Variants in SETDB2 observed in about 807,000 individuals in gnomAD.
SETDB2 encodes histone-lysine N-methyltransferase SETDB2.
SETDB2 carries 56 observed loss-of-function variants against 82.5 expected under a neutral mutation model. The observed-to-expected ratio is 0.68, with a 90% CI of 0.55 to 0.85. SETDB2 has a LOEUF of 0.85. SETDB2 is among the 40% of genes least tolerant of loss of function. The pLI, the probability that SETDB2 is intolerant of heterozygous loss-of-function variation, is 0.00. For missense variants in SETDB2, 677 were observed against 816.4 expected, an observed-to-expected ratio of 0.83 and a Z score of 2.08; for synonymous variants, 272 against 284.9, an observed-to-expected ratio of 0.95 and a Z score of 0.46.
At chr13:49,484,827 T>C (rs1267273248) in intron 10 of SETDB2, among the ~76,000 whole-genome samples, 1 of 152,194 alleles carries the variant, frequency 6.6e-6, no homozygotes, top group Non-Finnish European at 1.5e-5. Flanking sequence ...TGCCTGGTAA[T>C]GGTACAGTAG....
At chr13:49,468,778 C>T (rs1175191687) in intron 5 of SETDB2, among the ~76,000 whole-genome samples, 1 of 151,804 alleles carries the variant, frequency 6.6e-6, no homozygotes, top group Non-Finnish European at 1.5e-5. Flanking sequence ...TTGAGTGGGT[C>T]TCAAAAGGCC....
At chr13:49,455,984 A>G (rs984868398) in intron 2 of SETDB2, among the ~76,000 whole-genome samples, 5 of 152,128 alleles carry the variant, frequency 3.3e-5, no homozygotes, top group Non-Finnish European at 5.9e-5. Context: ...TGATGCCACT[A>G]ACTTGATTCA....
rs921614232 is a variant in SETDB2, at chr13:49,450,279, T to C, written c.-341-1274T>C. 2.0e-5 allele frequency among the ~76,000 whole-genome samples: 3 copies of C among 152,208 alleles called. No homozygotes were observed. The South Asian group carries it at 6.2e-4, about 32-fold the overall frequency. Reference sequence around the variant, plus strand: ...CTCTCCATTTTCTCAATTTTTTGCCTCCTCTTGTTTCCTTGCTCTGTGTTC... The same window carrying C: ...CTCTCCATTTTCTCAATTTTTTGCCCCCTCTTGTTTCCTTGCTCTGTGTTC... On this transcript the variant is annotated intron_variant, in intron 1 of 13. Coordinates refer to ENST00000611815, the MANE Select transcript of SETDB2 (RefSeq NM_001160308.3).
At chr13:49,479,870 T>G (rs1397073386) in intron 6 of SETDB2, among the ~76,000 whole-genome samples, 1 of 152,218 alleles carries the variant, frequency 6.6e-6, no homozygotes, top group African/African-American at 2.4e-5. Context: ...AAATTTGACA[T>G]ATTTAAGTTT....
At chr13:49,465,737 A>G (rs775329003) in intron 4 of SETDB2, among the ~76,000 whole-genome samples, 4 of 152,120 alleles carry the variant, frequency 2.6e-5, no homozygotes, top group East Asian at 1.9e-4. Flanking sequence ...GGGTTTCACT[A>G]TGTTGGCCAG....
At chr13:49,488,706 A>G in intron 12 of SETDB2, 76 bp downstream of exon 12, 1 of 1,198,184 alleles carries the variant, frequency 8.3e-7, no homozygotes, top group Non-Finnish European at 1.2e-6. Flanking sequence ...TATGAGGAAA[A>G]TAAACAGACT....
chr13:49,458,976 C>T (rs1957943367), intron 2 of SETDB2, among the ~76,000 whole-genome samples: 1 of 152,236 alleles, frequency 6.6e-6, no homozygotes, highest in Non-Finnish European at 1.5e-5. Context: ...CCCTACCTGC[C>T]TTTTAAGCAC....
Position 49,461,119 on chromosome 13 carries a change from A to T in SETDB2, c.165A>T (p.Leu55=). The T allele has an allele frequency of 6.2e-7, 1 of 1,611,740 alleles. No homozygotes were observed. Among genetic ancestry groups the T allele is most frequent in the African/African-American group, 1.3e-5 (1 of 75,020 alleles). ...TNKEYIQAMI[L]VNEATIINSS... is the part of the protein sequence containing the mutation. ...CAGAATACATCCAAGCAATGATTCT[A>T]GTGAATGAAGCAACTATAATTAACA... Residue 55 remains leucine (L), a synonymous_variant, in exon 4 of 14, where the codon CTA becomes CTT. Coordinates refer to ENST00000611815, the MANE Select transcript of SETDB2 (RefSeq NM_001160308.3).
At chr13:49,445,692 G>A (rs569879958) in intron 1 of SETDB2, 1 of 151,946 alleles carries the variant, frequency 6.6e-6, no homozygotes, top group South Asian at 2.1e-4. Context: ...ACTTTGGGAG[G>A]CTGAGGCGGG....
Position 49,485,676 on chromosome 13 carries a change from T to A in SETDB2, c.1529T>A (p.Phe510Tyr). Residue 510 changes from phenylalanine (F) to tyrosine (Y), a missense_variant, in exon 11 of 14, where the codon TTT becomes TAT. Coordinates refer to ENST00000611815, the MANE Select transcript of SETDB2 (RefSeq NM_001160308.3). Reference protein sequence around the residue: ...ESVTPEDNDGFKPPREHLNSK... With the variant: ...ESVTPEDNDGYKPPREHLNSK... ...GTCACTCCAGAAGATAATGATGGAT[T>A]TAAACCACCCCGAGAGCATCTGAAC... 1 of 1,614,124 alleles carries A rather than the reference T, an allele frequency of 6.2e-7. No individual in the cohort carries two copies. The highest frequency in any genetic ancestry group is 1.7e-5 in the Admixed American group (1 of 60,016).
intron 4 of SETDB2, among the ~76,000 whole-genome samples, chr13:49,463,776 A>C (rs1958046080): frequency 6.6e-6 from 1 of 152,226 alleles, no homozygotes; most frequent in Non-Finnish European, 1.5e-5. Flanking sequence ...TACAGAGAAC[A>C]GGAATCTATA....
chr13:49,486,310 A>AAT (rs202008542), intron 11 of SETDB2, among the ~76,000 whole-genome samples: 6,837 of 151,984 alleles, frequency 0.045, 275 homozygotes, highest in East Asian at 0.2. Context: ...TCTCAAAAAA[A>AAT]AAAATAAAAT....
At chr13:49,488,252 GTA>G in intron 11 of SETDB2, 36 bp from the exon 12 acceptor site, 1 of 1,533,860 alleles carries the variant, frequency 6.5e-7, no homozygotes, top group Non-Finnish European at 8.7e-7. Flanking sequence ...TGCTCAGCAA[GTA>G]TATTTCCTGA....
chr13:49,447,119 G>C (rs1375987188), intron 1 of SETDB2, among the ~76,000 whole-genome samples: 1 of 152,042 alleles, frequency 6.6e-6, no homozygotes, highest in Non-Finnish European at 1.5e-5. Flanking sequence ...AGATTGAAGT[G>C]TCTATTATGT....
intron 7 of SETDB2, 89 bp downstream of exon 7, chr13:49,480,424 A>T (rs1658464154): frequency 2.6e-6 from 2 of 764,332 alleles, no homozygotes; most frequent in Non-Finnish European, 4.2e-6. Context: ...TAGATGTTAA[A>T]TCTGGTTTAA....
At chr13:49,453,539 C>T (rs1472858371) in intron 2 of SETDB2, among the ~76,000 whole-genome samples, 1 of 152,102 alleles carries the variant, frequency 6.6e-6, no homozygotes, top group South Asian at 2.1e-4. Context: ...CTCAAGTGAT[C>T]CACCCGCCTT....
chr13:49,487,112 T>TA (rs1156948615), intron 11 of SETDB2, among the ~76,000 whole-genome samples: 3 of 152,096 alleles, frequency 2.0e-5, no homozygotes, highest in Admixed American at 6.5e-5. Flanking sequence ...ACTTTTTGTA[T>TA]AAAAAAATCC....
At chr13:49,486,200 G>A (rs2138984980) in intron 11 of SETDB2, among the ~76,000 whole-genome samples, 1 of 152,086 alleles carries the variant, frequency 6.6e-6, no homozygotes, top group South Asian at 2.1e-4. Flanking sequence ...AGCTACTCAG[G>A]GGGCTGAGGT....
intron 4 of SETDB2, among the ~76,000 whole-genome samples, chr13:49,461,930 A>G (rs968053826): frequency 6.6e-6 from 1 of 152,192 alleles, no homozygotes; most frequent in South Asian, 2.1e-4. Context: ...TCACAGAAGT[A>G]TTTACTATTA....
Sources: gnomAD v4.1 joint callset for allele counts (sites outside exome capture counted in the v4.1 genomes callset) on GRCh38, gnomAD v4.1.1 for gene constraint, MANE v1.5 for transcripts, NCBI Gene and HGNC (gene_info 2026-07-23, HGNC 2026-07-21) for gene names.